The following NT5DC1 variants were observed in gnomAD, a reference collection of about 807,000 sequenced individuals.
The protein encoded by NT5DC1 is 5'-nucleotidase domain-containing protein 1.
Under a neutral mutation model 59.4 loss-of-function variants are expected in NT5DC1, and 42 were observed. That is an observed-to-expected ratio of 0.71 (90% CI 0.55 to 0.92). The LOEUF is 0.92. NT5DC1 is among the 40% of genes least tolerant of loss of function. The probability of loss-of-function intolerance (pLI) is 0.00; values close to 1 mark genes in which losing one functional copy is unlikely to be tolerated. For missense variants in NT5DC1, 501 were observed against 537.1 expected (o/e 0.93, Z 0.66); for synonymous variants, 172 against 188.1 (o/e 0.91, Z 0.70).
chr6:116,123,990 A>C (rs3828742), intron 6 of NT5DC1, among the ~76,000 whole-genome samples: 1 of 152,068 alleles, frequency 6.6e-6, no homozygotes, highest in Non-Finnish European at 1.5e-5. Flanking sequence ...AGCATTTCAA[A>C]TTGTGTTTGT....
intron 3 of NT5DC1, among the ~76,000 whole-genome samples, chr6:116,109,389 G>T (rs964013608): frequency 1.1e-4 from 16 of 152,240 alleles, no homozygotes; most frequent in Admixed American, 2.0e-4. Context: ...GATAGGGTAT[G>T]TGTAAATGCA....
At position 116,169,144 on chromosome 6, in the gene NT5DC1, A is replaced by G. The variant is rs555870692; in HGVS notation, c.529+51199A>G. On this transcript the variant is annotated intron_variant, in intron 6 of 11. Transcript: ENST00000319550. ...ACTGCTAATTCCAGGCAGAAGCCCC[A>G]GATTCCAAGCTCAGCTTTCTGGGTT... Among the ~76,000 whole-genome samples the G allele has an allele frequency of 7.2e-5, 11 of 152,010 alleles. No individual in the cohort carries two copies. The South Asian group carries it at 2.1e-3, about 29-fold the overall frequency.
chr6:116,243,995 T>G lies in NT5DC1; in HGVS notation c.1339T>G (p.Ser447Ala). Reference protein sequence around the residue: ...GYYPNPPLVLSSDETLISK With the variant: ...GYYPNPPLVLASDETLISK Reference sequence around the variant, plus strand: ...CTATCCAAATCCTCCACTGGTCTTATCAAGTGATGAGACACTGATATCCAA... The same window carrying G: ...CTATCCAAATCCTCCACTGGTCTTAGCAAGTGATGAGACACTGATATCCAA... Residue 447 changes from serine (S) to alanine (A), a missense_variant, in exon 12 of 12, where the codon TCA becomes GCA. Coordinates refer to ENST00000319550, the MANE Select transcript of NT5DC1 (RefSeq NM_152729.3). The G allele has an allele frequency of 6.6e-7, 1 of 1,504,422 alleles. No homozygotes were observed. Among genetic ancestry groups the G allele is most frequent in the Non-Finnish European group, 9.2e-7 (1 of 1,086,260 alleles). The allele number at this position is 1,504,422 out of a possible 1,614,324, so 93.2% of individuals were successfully genotyped here. A position where few individuals can be genotyped will look rare whatever the true frequency, so the allele number is the denominator to read the frequency against.
intron 6 of NT5DC1, among the ~76,000 whole-genome samples, chr6:116,147,407 A>G (rs1779925131): frequency 1.3e-5 from 2 of 151,962 alleles, no homozygotes; most frequent in Non-Finnish European, 2.9e-5. Context: ...CTGCCATTGC[A>G]CTCCAACCTG....
intron 1 of NT5DC1, 24 bp downstream of exon 1, chr6:116,101,047 G>C (rs771080085): frequency 6.6e-7 from 1 of 1,519,282 alleles, no homozygotes; most frequent in African/African-American, 1.4e-5. Context: ...GCTCCGGGGC[G>C]CACTGCGCGC....
intron 6 of NT5DC1, among the ~76,000 whole-genome samples, chr6:116,214,584 G>T (rs1781654208): frequency 6.6e-6 from 1 of 151,982 alleles, no homozygotes; most frequent in Admixed American, 6.6e-5. Context: ...ACATCTTCAG[G>T]CCCCACCCCA....
chr6:116,158,911 C>T (rs958568294), intron 6 of NT5DC1, among the ~76,000 whole-genome samples: 1 of 152,050 alleles, frequency 6.6e-6, no homozygotes, highest in African/African-American at 2.4e-5. Flanking sequence ...TTTTTTGAGA[C>T]GCAGATGGGG....
chr6:116,149,100 A>G (rs1779969457), intron 6 of NT5DC1, among the ~76,000 whole-genome samples: 1 of 152,126 alleles, frequency 6.6e-6, no homozygotes, highest in Non-Finnish European at 1.5e-5. Context: ...TCATGGATAA[A>G]TTCAAGTGGA....
intron 6 of NT5DC1, among the ~76,000 whole-genome samples, chr6:116,130,115 A>G (rs1779424407): frequency 6.6e-6 from 1 of 152,070 alleles, no homozygotes; most frequent in Admixed American, 6.6e-5. Context: ...TATCATTTGT[A>G]TTTTATTTAT....
At chr6:116,146,334 TAGAC>T (rs2114382150) in intron 6 of NT5DC1, among the ~76,000 whole-genome samples, 1 of 152,350 alleles carries the variant, frequency 6.6e-6, no homozygotes, top group East Asian at 1.9e-4. Context: ...CTGTGATTTT[TAGAC>T]AGCTTGCTAA....
At chr6:116,165,224 C>T (rs1174797669) in intron 6 of NT5DC1, among the ~76,000 whole-genome samples, 1 of 151,468 alleles carries the variant, frequency 6.6e-6, no homozygotes, top group Non-Finnish European at 1.5e-5. Context: ...GATAGGATTT[C>T]CTTTATAGGT....
intron 6 of NT5DC1, among the ~76,000 whole-genome samples, chr6:116,130,323 G>C (rs1202669566): frequency 6.6e-6 from 1 of 152,010 alleles, no homozygotes; most frequent in Non-Finnish European, 1.5e-5. Context: ...ATAATGTATT[G>C]TATGTGTTTC....
chr6:116,175,267 T>C (rs149093854), intron 6 of NT5DC1, among the ~76,000 whole-genome samples: 2 of 152,194 alleles, frequency 1.3e-5, no homozygotes, highest in Non-Finnish European at 2.9e-5. Context: ...AAACTAATGA[T>C]CTGATTTCTG....
At chr6:116,229,533 G>A (rs116600450) in intron 8 of NT5DC1, among the ~76,000 whole-genome samples, 6,180 of 152,192 alleles carry the variant, frequency 0.041, 420 homozygotes, top group African/African-American at 0.14. Flanking sequence ...ATTCCTGCCA[G>A]TGCTTAAGGA....
chr6:116,144,226 A>C (rs764492877), intron 6 of NT5DC1, among the ~76,000 whole-genome samples: 1 of 152,142 alleles, frequency 6.6e-6, no homozygotes, highest in South Asian at 2.1e-4. Flanking sequence ...AAAGGAGGCC[A>C]GGCACAGTGG....
chr6:116,219,691 T>G (rs1422010711), intron 6 of NT5DC1, among the ~76,000 whole-genome samples: 2 of 152,078 alleles, frequency 1.3e-5, no homozygotes, highest in African/African-American at 2.4e-5. Context: ...GCATGGTGGC[T>G]CATGCCTGTA....
At chr6:116,153,502 T>C (rs1780104966) in intron 6 of NT5DC1, among the ~76,000 whole-genome samples, 1 of 152,178 alleles carries the variant, frequency 6.6e-6, no homozygotes, top group African/African-American at 2.4e-5. Context: ...TCATTTAATT[T>C]TTAGTTATAA....
intron 11 of NT5DC1, among the ~76,000 whole-genome samples, chr6:116,242,978 A>C (rs1219299089): frequency 6.6e-6 from 1 of 152,144 alleles, no homozygotes; most frequent in Admixed American, 6.5e-5. Flanking sequence ...GCTTAGTGTT[A>C]GCTCCTCTCT....
At chr6:116,148,285 G>A (rs540048623) in intron 6 of NT5DC1, among the ~76,000 whole-genome samples, 80 of 152,162 alleles carry the variant, frequency 5.3e-4, no homozygotes, top group African/African-American at 1.9e-3. Flanking sequence ...GTTGTACCAA[G>A]CATTATCTAT....
Sources: allele counts gnomAD v4.1 joint callset (sites outside exome capture counted in the v4.1 genomes callset), GRCh38; gene constraint gnomAD v4.1.1; transcripts MANE v1.5; gene names NCBI Gene and HGNC (gene_info 2026-07-23, HGNC 2026-07-21).